CTBP2: variants seen among roughly 807,000 people sequenced by gnomAD.
CTBP2 encodes C-terminal binding protein 2.
Under a neutral mutation model 80.3 loss-of-function variants are expected in CTBP2, and 30 were observed. That is an observed-to-expected ratio of 0.37 (90% CI 0.28 to 0.51). The LOEUF (loss-of-function observed/expected upper bound fraction) is 0.51, where lower values mean the gene tolerates loss of function less well. CTBP2 is among the 20% of genes least tolerant of loss of function. The pLI is 0.93. For missense variants in CTBP2, 1,212 were observed against 1,375.3 expected (o/e 0.88, Z 1.88); for synonymous variants, 594 against 587.4 (o/e 1.01, Z -0.16).
intron 1 of CTBP2, among the ~76,000 whole-genome samples, chr10:125,015,305 C>T (rs1479753065): frequency 6.6e-6 from 1 of 152,242 alleles, no homozygotes; most frequent in Non-Finnish European, 1.5e-5. Flanking sequence ...CCATTAGCTT[C>T]TCTTCGAGTC....
At chr10:125,134,361 G>T (rs1009313270) in intron 1 of CTBP2, among the ~76,000 whole-genome samples, 1 of 152,148 alleles carries the variant, frequency 6.6e-6, no homozygotes, top group Non-Finnish European at 1.5e-5. Flanking sequence ...GCTCAGCAGA[G>T]ACAACAGGGC....
At chr10:125,112,935 T>G (rs1257884057) in intron 1 of CTBP2, among the ~76,000 whole-genome samples, 1 of 152,234 alleles carries the variant, frequency 6.6e-6, no homozygotes, top group Non-Finnish European at 1.5e-5. Context: ...CCATGCTCCC[T>G]GCTGTTTCCA....
intron 2 of CTBP2, among the ~76,000 whole-genome samples, chr10:125,083,646 T>C (rs1003947780): frequency 6.6e-6 from 1 of 152,206 alleles, no homozygotes; most frequent in Non-Finnish European, 1.5e-5. Flanking sequence ...TTTGTTTGTT[T>C]GTTTTAAGGC....
chr10:125,018,642 T>G lies in CTBP2; in HGVS notation c.1678+7440A>C, dbSNP rs190067591. ...ACTGAACTCAGTCAGGGCCCTAGAT[T>G]CTCTCAAGGCTGGTTTCCCCTACCT... is the stretch of plus-strand genomic sequence containing the variant. On this transcript the variant is annotated intron_variant, in intron 1 of 8. Transcript: ENST00000309035. Among the ~76,000 whole-genome samples, 5 of 152,290 alleles carry G rather than the reference T, an allele frequency of 3.3e-5. No homozygotes were observed. The East Asian group carries it at 9.6e-4, about 29-fold the overall frequency.
At chr10:125,030,914 A>G (rs1342639940), upstream of CTBP2, among the ~76,000 whole-genome samples, 1 of 152,188 alleles carries the variant, frequency 6.6e-6, no homozygotes, top group Non-Finnish European at 1.5e-5. Context: ...ACAAAGGGCC[A>G]GGGCAGCTCT....
chr10:125,001,314 G>A (rs1047750243), intron 3 of CTBP2: 5 of 152,350 alleles, frequency 3.3e-5, no homozygotes, highest in African/African-American at 7.2e-5. Flanking sequence ...CAAGAGGTGC[G>A]GGGGACAAGG....
At chr10:125,030,436 C>T (rs1202679955), upstream of CTBP2, among the ~76,000 whole-genome samples, 1 of 152,230 alleles carries the variant, frequency 6.6e-6, no homozygotes, top group Non-Finnish European at 1.5e-5. Flanking sequence ...TACAGAGATC[C>T]AGACAATTCC....
At chr10:125,078,452 G>C (rs918873225) in intron 2 of CTBP2, among the ~76,000 whole-genome samples, 1 of 151,888 alleles carries the variant, frequency 6.6e-6, no homozygotes, top group Non-Finnish European at 1.5e-5. Flanking sequence ...TGATTACAAA[G>C]CCACTTCGTC....
chr10:125,078,108 G>A (rs994328546), intron 2 of CTBP2, among the ~76,000 whole-genome samples: 12 of 152,174 alleles, frequency 7.9e-5, no homozygotes, highest in South Asian at 6.2e-4. Flanking sequence ...GTGAAACCCC[G>A]TCTCTACTAA....
intron 1 of CTBP2, among the ~76,000 whole-genome samples, chr10:125,158,174 G>C (rs1861274685): frequency 6.6e-6 from 1 of 151,882 alleles, no homozygotes; most frequent in Admixed American, 6.6e-5. Context: ...AAAAAAGGGG[G>C]GGGTTAAAAA....
At chr10:125,121,251 AC>A (rs1308929561) in intron 1 of CTBP2, among the ~76,000 whole-genome samples, 1 of 152,214 alleles carries the variant, frequency 6.6e-6, no homozygotes, top group Non-Finnish European at 1.5e-5. Context: ...CACAGGCAAT[AC>A]CAATGCACAG....
At position 124,989,520 on chromosome 10, in the gene CTBP2, A is replaced by G. The variant is rs368043534; in HGVS notation, c.2956T>C (p.Ter986GlnextTer18). Residue 986 changes from the stop codon to glutamine (Q), a stop_lost, in exon 9 of 9, where the codon TAG becomes CAG. Transcript: ENST00000309035. ...TGATTACCTTCTGGCATTCTCTGCT[A>G]TTGCTCGTTGGGGTGCTCTCGATTG... 32 of 1,612,274 alleles carry G rather than the reference A, an allele frequency of 2.0e-5. No individual in the cohort carries two copies. The highest frequency in any genetic ancestry group is 2.5e-5 in the Non-Finnish European group (30 of 1,179,792).
chr10:125,020,781 C>G (rs1292563475), intron 1 of CTBP2, among the ~76,000 whole-genome samples: 1 of 152,216 alleles, frequency 6.6e-6, no homozygotes, highest in Non-Finnish European at 1.5e-5. Flanking sequence ...ACCAAGCATC[C>G]ACGTTACTCT....
At chr10:125,063,277 C>T (rs749552950) in intron 2 of CTBP2, among the ~76,000 whole-genome samples, 3 of 152,178 alleles carry the variant, frequency 2.0e-5, no homozygotes, top group African/African-American at 4.8e-5. Flanking sequence ...ATGGGCGAAT[C>T]GGTCTGGTGG....
At chr10:125,125,173 T>C (rs1855015211) in intron 1 of CTBP2, among the ~76,000 whole-genome samples, 1 of 152,206 alleles carries the variant, frequency 6.6e-6, no homozygotes, top group South Asian at 2.1e-4. Flanking sequence ...TGTAACCCAA[T>C]GTTGGCGGAG....
intron 7 of CTBP2, 147 bp downstream of exon 9, chr10:124,993,055 G>A (rs553142350): frequency 3.2e-5 from 34 of 1,064,270 alleles, no homozygotes; most frequent in Non-Finnish European, 4.0e-5. Flanking sequence ...CAGGGCTTAC[G>A]TAAATAAACA....
At chr10:125,090,432 A>G (rs1361149718) in intron 2 of CTBP2, among the ~76,000 whole-genome samples, 2 of 151,762 alleles carry the variant, frequency 1.3e-5, no homozygotes, top group Non-Finnish European at 2.9e-5. Flanking sequence ...TTCATAGAAA[A>G]AATATGGAAT....
chr10:125,036,943 A>G (rs922424852), intron 3 of CTBP2, among the ~76,000 whole-genome samples: 5 of 152,178 alleles, frequency 3.3e-5, no homozygotes, highest in Admixed American at 3.3e-4. Flanking sequence ...GAGGAGCACC[A>G]ACAAAGCACT....
chr10:125,014,862 G>C (rs1956310571), intron 1 of CTBP2, among the ~76,000 whole-genome samples: 1 of 152,250 alleles, frequency 6.6e-6, no homozygotes, highest in Non-Finnish European at 1.5e-5. Context: ...TTGGCCGGCA[G>C]GGACGCCCTT....
Sources: gnomAD v4.1 joint callset for allele counts (sites outside exome capture counted in the v4.1 genomes callset) on GRCh38, gnomAD v4.1.1 for gene constraint, MANE v1.5 for transcripts, NCBI Gene and HGNC (gene_info 2026-07-23, HGNC 2026-07-21) for gene names.